Variants in RXRG observed in about 807,000 individuals in gnomAD.
RXRG encodes retinoic acid receptor RXR-gamma.
In RXRG, 19 loss-of-function variants were observed where a neutral mutation model predicts 49.2. The observed-to-expected ratio is 0.39, with a 90% confidence interval of 0.27 to 0.57. The LOEUF (loss-of-function observed/expected upper bound fraction) is 0.57, where lower values mean the gene tolerates loss of function less well. Ranked by LOEUF, RXRG falls within the 20% of genes least tolerant of loss-of-function variation. The pLI is 0.64. For missense variants in RXRG, 452 were observed against 592.5 expected (o/e 0.76, Z 2.46); for synonymous variants, 224 against 216.6 (o/e 1.03, Z -0.30).
intron 4 of RXRG, among the ~76,000 whole-genome samples, chr1:165,415,071 G>A (rs1418887309): frequency 6.6e-6 from 1 of 152,154 alleles, no homozygotes; most frequent in Admixed American, 6.5e-5. Flanking sequence ...GATAACTACT[G>A]TGTAAAAGAG....
chr1:165,433,324 A>G (rs894806121), intron 1 of RXRG, among the ~76,000 whole-genome samples: 1 of 152,192 alleles, frequency 6.6e-6, no homozygotes, highest in Non-Finnish European at 1.5e-5. Context: ...AGCACAAGAT[A>G]CCAGCAGCAC....
intron 3 of RXRG, among the ~76,000 whole-genome samples, chr1:165,419,403 T>C (rs1426241226): frequency 6.6e-6 from 1 of 152,080 alleles, no homozygotes; most frequent in Non-Finnish European, 1.5e-5. Context: ...ATACTTTTTT[T>C]TTTTTGAGAT....
At chr1:165,430,972 C>T (rs576299342) in intron 1 of RXRG, among the ~76,000 whole-genome samples, 1 of 152,250 alleles carries the variant, frequency 6.6e-6, no homozygotes, top group South Asian at 2.1e-4. Context: ...GTTTCCTGCC[C>T]TTTTTTTATT....
In RXRG at chr1:165,444,857, C is replaced by T. The variant is rs1467339286; in HGVS notation, c.37G>A (p.Ala13Thr). Reference sequence around the variant, plus strand: ...GGGAGATACTTACCTCCATAGCCTGCGGGAAACTTCATGAAGTGAGAATAA... The same window carrying T: ...GGGAGATACTTACCTCCATAGCCTGTGGGAAACTTCATGAAGTGAGAATAA... Reference protein sequence around the residue: ...GNYSHFMKFPAGYGGSPGHTG... With the variant: ...GNYSHFMKFPTGYGGSPGHTG... The change falls in exon 1 of 10, where the codon GCA becomes ACA. Residue 13 changes from alanine (A) to threonine (T), a missense_variant. Physicochemically the swap from Ala to Thr is moderately conservative, Grantham distance 58. Coordinates refer to ENST00000359842, the MANE Select transcript of RXRG (RefSeq NM_006917.5). The T allele has an allele frequency of 1.2e-6, 2 of 1,614,092 alleles. No homozygotes were observed. The highest frequency in any genetic ancestry group is 1.7e-6 in the Non-Finnish European group (2 of 1,179,936).
At chr1:165,416,068 G>T (rs1195953061) in intron 4 of RXRG, among the ~76,000 whole-genome samples, 2 of 152,160 alleles carry the variant, frequency 1.3e-5, no homozygotes, top group Non-Finnish European at 2.9e-5. Flanking sequence ...TTCACTTTTA[G>T]CAGGGACACA....
At chr1:165,439,358 C>A (rs1017091483) in intron 1 of RXRG, among the ~76,000 whole-genome samples, 2 of 152,122 alleles carry the variant, frequency 1.3e-5, no homozygotes, top group Non-Finnish European at 2.9e-5. Context: ...TCTCCCTCCC[C>A]CTTCCTTCAA....
At chr1:165,415,364 C>G (rs1322036793) in intron 4 of RXRG, among the ~76,000 whole-genome samples, 1 of 152,124 alleles carries the variant, frequency 6.6e-6, no homozygotes, top group Non-Finnish European at 1.5e-5. Context: ...AAGATTTTTG[C>G]CTTTTTTTCT....
At chr1:165,423,198 G>A (rs1202649237) in intron 2 of RXRG, among the ~76,000 whole-genome samples, 3 of 152,188 alleles carry the variant, frequency 2.0e-5, no homozygotes, top group East Asian at 1.9e-4. Context: ...GCAGCCATCA[G>A]AGCATAAACC....
chr1:165,409,527 C>T, intron 7 of RXRG, 31 bp downstream of exon 7: 1 of 1,432,678 alleles, frequency 7.0e-7, no homozygotes, highest in Non-Finnish European at 9.2e-7. Context: ...ACACATAATA[C>T]ACACAAATAC....
intron 2 of RXRG, among the ~76,000 whole-genome samples, chr1:165,422,167 C>A (rs560216962): frequency 6.6e-6 from 1 of 152,340 alleles, no homozygotes; most frequent in East Asian, 1.9e-4. Context: ...TCCACTGCCA[C>A]CAGCCAGCAG....
intron 6 of RXRG, 96 bp from the exon 7 acceptor site, chr1:165,409,786 A>G: frequency 8.8e-7 from 1 of 1,141,974 alleles, no homozygotes; most frequent in Middle Eastern, 2.1e-4. Context: ...CACATAACAC[A>G]AGCAGAATTG....
intron 4 of RXRG, among the ~76,000 whole-genome samples, chr1:165,412,279 G>T (rs75079950): frequency 6.6e-6 from 1 of 152,104 alleles, no homozygotes; most frequent in African/African-American, 2.4e-5. Flanking sequence ...GTGGAGATAC[G>T]CCAAAAAGCT....
chr1:165,440,150 G>T (rs755803159), intron 1 of RXRG, among the ~76,000 whole-genome samples: 1 of 152,238 alleles, frequency 6.6e-6, no homozygotes, highest in Non-Finnish European at 1.5e-5. Flanking sequence ...AATTTACAGA[G>T]TAGTACAGTA....
intron 1 of RXRG, among the ~76,000 whole-genome samples, chr1:165,431,507 A>G (rs1007177418): frequency 9.2e-5 from 14 of 152,252 alleles, no homozygotes; most frequent in Non-Finnish European, 2.9e-5. Context: ...GAGGAGCCAT[A>G]AACTCCACTG....
At chr1:165,426,135 G>A (rs1207845785) in intron 2 of RXRG, among the ~76,000 whole-genome samples, 2 of 152,154 alleles carry the variant, frequency 1.3e-5, no homozygotes, top group Non-Finnish European at 2.9e-5. Context: ...AGCAAGAGTG[G>A]GGCAGTTAGG....
chr1:165,408,680 T>C (rs1357105248), intron 7 of RXRG, among the ~76,000 whole-genome samples: 2 of 152,200 alleles, frequency 1.3e-5, no homozygotes, highest in African/African-American at 2.4e-5. Flanking sequence ...ATTGCATGTC[T>C]AGAAAAACAC....
chr1:165,440,973 C>A (rs1355964725), intron 1 of RXRG, among the ~76,000 whole-genome samples: 1 of 152,214 alleles, frequency 6.6e-6, no homozygotes, highest in African/African-American at 2.4e-5. Flanking sequence ...TACTCCTTTC[C>A]ACATAAACCT....
Position 165,401,051 on chromosome 1 carries a change from G to C in RXRG, c.*212C>G, listed in dbSNP as rs1481149902. ...CCAAGAACTTCCAGAAAGTCTCCCA[G>C]CCCTGTAGACAGCAAAGCGTATTAC... On this transcript the variant is annotated 3_prime_UTR_variant, in exon 10 of 10. Transcript: ENST00000359842. The C allele has an allele frequency of 1.9e-6, 1 of 513,386 alleles. No individual in the cohort carries two copies. Among genetic ancestry groups the C allele is most frequent in the Non-Finnish European group, 3.4e-6 (1 of 294,694 alleles). The allele number at this position is 513,386 out of a possible 1,614,324, so 31.8% of individuals were successfully genotyped here.
intron 1 of RXRG, chr1:165,437,291 A>T (rs945767812): frequency 3.3e-6 from 4 of 1,221,780 alleles, no homozygotes; most frequent in Non-Finnish European, 4.4e-6. Context: ...CACCAAGAGC[A>T]TGAAGCCCAT....
Sources: allele counts gnomAD v4.1 joint callset (sites outside exome capture counted in the v4.1 genomes callset), GRCh38; gene constraint gnomAD v4.1.1; transcripts MANE v1.5; gene names NCBI Gene and HGNC (gene_info 2026-07-23, HGNC 2026-07-21).